SNTB1: variants seen among roughly 807,000 people sequenced by gnomAD.
SNTB1 encodes beta-1-syntrophin.
SNTB1 carries 36 observed loss-of-function variants against 48.9 expected under a neutral mutation model. That is an observed-to-expected ratio of 0.74 (90% CI 0.56 to 0.97). The LOEUF (loss-of-function observed/expected upper bound fraction) is 0.97, where lower values mean the gene tolerates loss of function less well. Ranked by LOEUF, SNTB1 falls within the 50% of genes least tolerant of loss-of-function variation. The pLI is 0.00. For synonymous variants in SNTB1, 299 were observed against 294.6 expected (o/e 1.01, Z -0.15); for missense variants, 786 against 703.4 (o/e 1.12, Z -1.33).
At chr8:120,716,637 C>A (rs559900125) in intron 1 of SNTB1, among the ~76,000 whole-genome samples, 1 of 152,278 alleles carries the variant, frequency 6.6e-6, no homozygotes, top group Admixed American at 6.5e-5. Flanking sequence ...TCCACAGCTA[C>A]AAGCAGTGAG....
chr8:120,578,008 GA>G (rs1022538257), intron 3 of SNTB1, among the ~76,000 whole-genome samples: 4 of 152,072 alleles, frequency 2.6e-5, no homozygotes, highest in South Asian at 2.1e-4. Flanking sequence ...CCAAAGGGGG[GA>G]AAAATCATGT....
At chr8:120,609,020 A>G (rs531374680) in intron 3 of SNTB1, among the ~76,000 whole-genome samples, 17 of 152,342 alleles carry the variant, frequency 1.1e-4, no homozygotes, top group South Asian at 6.2e-4. Context: ...TCCTGCTGAG[A>G]TCCTTAAATT....
intron 1 of SNTB1, among the ~76,000 whole-genome samples, chr8:120,722,621 C>A (rs1319437585): frequency 3.3e-5 from 5 of 152,058 alleles, no homozygotes; most frequent in Non-Finnish European, 7.3e-5. Flanking sequence ...TGTTTAAGTT[C>A]TTTGTAGATT....
At chr8:120,696,591 A>T (rs141330411) in intron 1 of SNTB1, among the ~76,000 whole-genome samples, 1 of 152,330 alleles carries the variant, frequency 6.6e-6, no homozygotes, top group African/African-American at 2.4e-5. Context: ...TTATTTACCG[A>T]GCATCCATGT....
intron 4 of SNTB1, among the ~76,000 whole-genome samples, chr8:120,562,584 A>G (rs563033006): frequency 1.3e-5 from 2 of 152,222 alleles, no homozygotes; most frequent in South Asian, 2.1e-4. Context: ...TCTTCATGTC[A>G]CCCCAGGCAA....
chr8:120,658,773 G>A (rs1464657616), intron 2 of SNTB1, among the ~76,000 whole-genome samples: 1 of 152,114 alleles, frequency 6.6e-6, no homozygotes, highest in Non-Finnish European at 1.5e-5. Flanking sequence ...GGCTGGCGTG[G>A]CTGTGTCATT....
At chr8:120,738,766 A>C (rs146179612) in intron 1 of SNTB1, among the ~76,000 whole-genome samples, 41 of 152,318 alleles carry the variant, frequency 2.7e-4, no homozygotes, top group Admixed American at 1.5e-3. Flanking sequence ...CAAGCTATCT[A>C]GCCTCAGATT....
At chr8:120,723,812 A>T (rs934617275) in intron 1 of SNTB1, among the ~76,000 whole-genome samples, 8 of 152,252 alleles carry the variant, frequency 5.3e-5, no homozygotes, top group Admixed American at 5.2e-4. Flanking sequence ...CCCCAGGACA[A>T]TACCTAGCAC....
Position 120,575,125 on chromosome 8 carries a change from C to A in SNTB1, c.1097G>T (p.Trp366Leu), listed in dbSNP as rs746326215. The change falls in exon 4 of 7, where the codon TGG (tryptophan) becomes TTG (leucine). Residue 366 changes from tryptophan (W) to leucine (L), a missense_variant. Physicochemically the swap from Trp to Leu is moderately conservative, Grantham distance 61. Transcript: ENST00000517992. ...AGGGTATGTGTGAACTGGGCTGAAC[C>A]AGGCTTCCTTCCTCCGTGGCATGCT... The part of the protein sequence containing the change: ...YDSMPRRKEA[W>L]FSPVHTYPLL... 2.5e-5 allele frequency: 40 copies of A among 1,614,186 alleles called. No individual in the cohort carries two copies. In the Middle Eastern group the frequency reaches 6.6e-4, roughly 27 times the overall value.
At chr8:120,779,587 T>C (rs984083014) in intron 1 of SNTB1, among the ~76,000 whole-genome samples, 2 of 152,150 alleles carry the variant, frequency 1.3e-5, no homozygotes, top group Non-Finnish European at 2.9e-5. Flanking sequence ...CTGTAGAAGA[T>C]ATTGCTGTAA....
intron 2 of SNTB1, among the ~76,000 whole-genome samples, chr8:120,668,677 G>A (rs1270952256): frequency 6.6e-6 from 1 of 152,160 alleles, no homozygotes; most frequent in Non-Finnish European, 1.5e-5. Flanking sequence ...CAATTATAGG[G>A]TCTGTATATT....
intron 1 of SNTB1, among the ~76,000 whole-genome samples, chr8:120,707,322 A>G (rs1419425608): frequency 6.6e-6 from 1 of 152,198 alleles, no homozygotes; most frequent in East Asian, 1.9e-4. Context: ...TTTAGGACTC[A>G]GCTCAATGGG....
chr8:120,800,061 A>G (rs980164620), intron 1 of SNTB1, among the ~76,000 whole-genome samples: 1 of 152,076 alleles, frequency 6.6e-6, no homozygotes, highest in African/African-American at 2.4e-5. Flanking sequence ...GTTATGATTT[A>G]TCTGGTGTCC....
intron 1 of SNTB1, among the ~76,000 whole-genome samples, chr8:120,711,921 AT>A (rs1283928279): frequency 6.6e-6 from 1 of 152,160 alleles, no homozygotes; most frequent in African/African-American, 2.4e-5. Context: ...TATGTTTTAA[AT>A]GGAAGCTTCT....
At chr8:120,624,047 C>T (rs901817097) in intron 3 of SNTB1, among the ~76,000 whole-genome samples, 4 of 152,258 alleles carry the variant, frequency 2.6e-5, no homozygotes, top group African/African-American at 7.2e-5. Context: ...AAGTGATGCT[C>T]CTGCCTCAGC....
intron 1 of SNTB1, among the ~76,000 whole-genome samples, chr8:120,768,469 A>G (rs1819564845): frequency 6.6e-6 from 1 of 152,176 alleles, no homozygotes; most frequent in Admixed American, 6.5e-5. Flanking sequence ...TTCCAATGAT[A>G]TCATTTATAT....
At chr8:120,730,042 G>C (rs4871106) in intron 1 of SNTB1, among the ~76,000 whole-genome samples, 10,896 of 152,282 alleles carry the variant, frequency 0.072, 541 homozygotes, top group East Asian at 0.18. Flanking sequence ...ACCCGTTAGT[G>C]ATGTCCCACA....
intron 1 of SNTB1, among the ~76,000 whole-genome samples, chr8:120,701,428 C>T (rs1292875263): frequency 6.6e-6 from 1 of 152,156 alleles, no homozygotes; most frequent in Non-Finnish European, 1.5e-5. Context: ...CAAACATTCT[C>T]TGATTCCTTG....
intron 3 of SNTB1, among the ~76,000 whole-genome samples, chr8:120,586,992 G>A (rs1161995652): frequency 2.0e-5 from 3 of 152,244 alleles, no homozygotes; most frequent in South Asian, 2.1e-4. Flanking sequence ...AGGCCGAGGC[G>A]GGTGGATCAC....
Sources: gnomAD v4.1 joint callset for allele counts (sites outside exome capture counted in the v4.1 genomes callset) on GRCh38, gnomAD v4.1.1 for gene constraint, MANE v1.5 for transcripts, NCBI Gene and HGNC (gene_info 2026-07-23, HGNC 2026-07-21) for gene names.